Variants in YEATS2 observed in about 807,000 individuals in gnomAD.
YEATS2 encodes YEATS domain containing 2.
In YEATS2, 77 loss-of-function variants were observed where a neutral mutation model predicts 163.2. The observed-to-expected ratio is 0.47, with a 90% CI of 0.39 to 0.57. The LOEUF (loss-of-function observed/expected upper bound fraction) is 0.57. Among genes scored for constraint, YEATS2 ranks in the 20% least tolerant of loss-of-function variants. The pLI is 0.00. For missense variants in YEATS2, 1,549 were observed against 1,729.8 expected (o/e 0.90, Z 1.85); for synonymous variants, 631 against 645.1 (o/e 0.98, Z 0.33).
intron 1 of YEATS2, among the ~76,000 whole-genome samples, chr3:183,711,507 A>G (rs2109004556): frequency 6.6e-6 from 1 of 151,984 alleles, no homozygotes; most frequent in Middle Eastern, 3.4e-3. Context: ...CATAAAACAT[A>G]ATAGTTGGGT....
At chr3:183,764,370 A>T (rs1450156315) in intron 15 of YEATS2, among the ~76,000 whole-genome samples, 13 of 119,918 alleles carry the variant, frequency 1.1e-4, no homozygotes, top group African/African-American at 3.7e-4. Flanking sequence ...ACTCTGTTTA[A>T]AAAAAAAAAA....
intron 21 of YEATS2, among the ~76,000 whole-genome samples, chr3:183,795,946 G>A (rs938796010): frequency 1.7e-4 from 25 of 149,448 alleles, no homozygotes; most frequent in Non-Finnish European, 7.4e-5. Flanking sequence ...GCTGCTTTCC[G>A]GTGCCTTAAA....
At chr3:183,712,867 T>G (rs1375452775) in intron 1 of YEATS2, among the ~76,000 whole-genome samples, 2 of 151,976 alleles carry the variant, frequency 1.3e-5, no homozygotes, top group East Asian at 3.9e-4. Context: ...TTCAAGTGAT[T>G]CTCCTGCCTT....
chr3:183,752,252 A>G lies in YEATS2; in HGVS notation c.1149A>G (p.Lys383=), dbSNP rs1320139618. 22 of 1,614,050 alleles carry G rather than the reference A, an allele frequency of 1.4e-5. No individual in the cohort carries two copies. The highest frequency in any genetic ancestry group is 1.7e-5 in the Non-Finnish European group (20 of 1,180,022). The change falls in exon 10 of 31, where the codon AAA becomes AAG. Residue 383 remains lysine, a splice_region_variant and synonymous_variant. Transcript: ENST00000305135. ...HEPVPDTSVE[K]GFPASTEAER... is the part of the protein sequence containing the mutation. ...CAGTACCCGATACCTCTGTGGAGAA[A>G]GGTAATACAGCAGTTTTCCTTGCAT...
intron 25 of YEATS2, chr3:183,802,670 C>T (rs895901597): frequency 1.2e-4 from 18 of 152,232 alleles, no homozygotes; most frequent in African/African-American, 4.3e-4. Context: ...TGGCTCACGC[C>T]TGTAATCCCA....
At chr3:183,715,438 GGAA>G (rs1309734520) in intron 2 of YEATS2, among the ~76,000 whole-genome samples, 176 bp downstream of exon 2, 1 of 152,168 alleles carries the variant, frequency 6.6e-6, no homozygotes, top group African/African-American at 2.4e-5. Context: ...TGTAAAAAGT[GGAA>G]GAAGATCTGG....
chr3:183,711,437 C>T (rs1334660231), intron 1 of YEATS2, among the ~76,000 whole-genome samples: 1 of 143,354 alleles, frequency 7.0e-6, no homozygotes, highest in Non-Finnish European at 1.5e-5. Context: ...CGCGCCACTG[C>T]ACTCCAGCCT....
chr3:183,760,656 G>A (rs1721253514), intron 13 of YEATS2, among the ~76,000 whole-genome samples: 1 of 152,144 alleles, frequency 6.6e-6, no homozygotes, highest in South Asian at 2.1e-4. Flanking sequence ...GACTTTCGTT[G>A]TCTTTGCCTG....
At chr3:183,781,459 G>A (rs975301865) in intron 19 of YEATS2, among the ~76,000 whole-genome samples, 1 of 152,142 alleles carries the variant, frequency 6.6e-6, no homozygotes. Context: ...TGGCGAGGGC[G>A]GATCTTCTTT....
In YEATS2 at chr3:183,752,189, A is replaced by G; in HGVS notation, c.1086A>G (p.Pro362=). The change falls in exon 10 of 31, where the codon CCA becomes CCG. Residue 362 remains proline (P), a synonymous_variant. Transcript: ENST00000305135. The stretch of plus-strand genomic sequence containing the variant: ...CTTTGCCTTTGACCATTCCAGCCCC[A>G]GTGAAAGCTTCTTCACCAATAAAGC... ...PPSLPLTIPA[P]VKASSPIKQS... The G allele has an allele frequency of 6.2e-7, 1 of 1,614,100 alleles. No homozygotes were observed. Among genetic ancestry groups the G allele is most frequent in the Non-Finnish European group, 8.5e-7 (1 of 1,180,022 alleles).
chr3:183,807,815 A>G (rs1308444397), intron 28 of YEATS2: 5 of 538,168 alleles, frequency 9.3e-6, no homozygotes, highest in African/African-American at 1.9e-5. Context: ...GATTATAGTC[A>G]TATTTTAAAT....
intron 7 of YEATS2, among the ~76,000 whole-genome samples, chr3:183,730,619 C>T (rs1717687275): frequency 6.6e-6 from 1 of 152,100 alleles, no homozygotes; most frequent in Non-Finnish European, 1.5e-5. Context: ...CCACCTTTCC[C>T]TGCCAAGGGT....
chr3:183,755,126 T>TG (rs1419708779), intron 11 of YEATS2, among the ~76,000 whole-genome samples: 4 of 152,084 alleles, frequency 2.6e-5, no homozygotes, highest in Non-Finnish European at 5.9e-5. Context: ...GGCAATTTTT[T>TG]TTTTTTGAGA....
At chr3:183,736,862 A>G in intron 8 of YEATS2, 33 bp downstream of exon 8, 2 of 1,578,440 alleles carry the variant, frequency 1.3e-6, no homozygotes, top group Non-Finnish European at 1.7e-6. Context: ...CCTAGTTTTG[A>G]AGTCTCTTTT....
chr3:183,755,935 A>G (rs1720716187), intron 11 of YEATS2, among the ~76,000 whole-genome samples: 1 of 151,328 alleles, frequency 6.6e-6, no homozygotes, highest in Non-Finnish European at 1.5e-5. Context: ...TAGTAGAGAC[A>G]GGGTTTCTCC....
At chr3:183,773,412 T>C (rs373072368) in intron 16 of YEATS2, among the ~76,000 whole-genome samples, 1 of 152,202 alleles carries the variant, frequency 6.6e-6, no homozygotes, top group African/African-American at 2.4e-5. Context: ...TATACAGATA[T>C]AAAGAGCCTC....
At chr3:183,810,265 A>C (rs141073005) in intron 30 of YEATS2, 1 of 496,408 alleles carries the variant, frequency 2.0e-6, no homozygotes, top group African/African-American at 2.0e-5. Flanking sequence ...CTTTTTTCCT[A>C]ATTATTCAAC....
At chr3:183,793,608 T>TA in intron 21 of YEATS2, 7 of 181,994 alleles carry the variant, frequency 3.8e-5, no homozygotes, top group Non-Finnish European at 6.1e-5. Context: ...TTTCTTTCTT[T>TA]CTTTTTTTTT....
intron 17 of YEATS2, among the ~76,000 whole-genome samples, chr3:183,775,588 C>T (rs746810674): frequency 3.3e-5 from 5 of 152,080 alleles, no homozygotes; most frequent in Non-Finnish European, 5.9e-5. Flanking sequence ...AGTGAGACTC[C>T]GTCTCAAAAA....
Sources: allele counts gnomAD v4.1 joint callset (sites outside exome capture counted in the v4.1 genomes callset), GRCh38; gene constraint gnomAD v4.1.1; transcripts MANE v1.5; gene names NCBI Gene and HGNC (gene_info 2026-07-23, HGNC 2026-07-21).